Variants in CDH12 observed in about 807,000 individuals in gnomAD.
CDH12 encodes the protein cadherin 12, also known as cadherin-12.
A neutral mutation model predicts 74.1 loss-of-function variants in CDH12; 41 were observed. The observed-to-expected ratio is 0.55, with a 90% CI of 0.43 to 0.72. CDH12 has a LOEUF of 0.72. CDH12 is among the 30% of genes least tolerant of loss of function. The pLI is 0.00. For missense variants in CDH12, 945 were observed against 977.2 expected, an observed-to-expected ratio of 0.97 and a Z score of 0.44; for synonymous variants, 399 against 355.0, an observed-to-expected ratio of 1.12 and a Z score of -1.39.
intron 2 of CDH12, among the ~76,000 whole-genome samples, chr5:22,492,875 C>T (rs994955509): frequency 6.6e-6 from 1 of 151,934 alleles, no homozygotes; most frequent in Non-Finnish European, 1.5e-5. Flanking sequence ...TTTCCTTGCT[C>T]AGTCCACTCT....
intron 6 of CDH12, among the ~76,000 whole-genome samples, chr5:21,908,903 T>C (rs1235390228): frequency 1.3e-5 from 2 of 152,150 alleles, no homozygotes; most frequent in Admixed American, 6.5e-5. Context: ...GATAGCAGGG[T>C]ACGCATGAGA....
At chr5:22,121,786 T>G (rs552171828) in intron 4 of CDH12, among the ~76,000 whole-genome samples, 2 of 152,288 alleles carry the variant, frequency 1.3e-5, no homozygotes, top group Admixed American at 1.3e-4. Flanking sequence ...AACACACTGA[T>G]GTACCTATCA....
At chr5:22,068,590 G>A (rs1322256221) in intron 5 of CDH12, among the ~76,000 whole-genome samples, 2 of 152,170 alleles carry the variant, frequency 1.3e-5, no homozygotes, top group Admixed American at 6.6e-5. Flanking sequence ...GGACTTGGAA[G>A]GGACATGATT....
At chr5:22,740,321 G>A (rs1163120104) in intron 1 of CDH12, among the ~76,000 whole-genome samples, 1 of 151,720 alleles carries the variant, frequency 6.6e-6, no homozygotes, top group Non-Finnish European at 1.5e-5. Context: ...AATTTGTTCA[G>A]CATTAACCAC....
At chr5:22,317,833 G>C (rs1462952493) in intron 3 of CDH12, among the ~76,000 whole-genome samples, 4 of 152,132 alleles carry the variant, frequency 2.6e-5, no homozygotes, top group Non-Finnish European at 1.5e-5. Flanking sequence ...TAAGCAAAGA[G>C]AGTACTTAAG....
At chr5:21,774,897 T>C (rs1485872052) in intron 11 of CDH12, among the ~76,000 whole-genome samples, 1 of 152,198 alleles carries the variant, frequency 6.6e-6, no homozygotes, top group African/African-American at 2.4e-5. Flanking sequence ...TCCACTCTTT[T>C]GTTTACTAAA....
At chr5:22,431,988 T>C (rs1000648341) in intron 2 of CDH12, among the ~76,000 whole-genome samples, 4 of 152,122 alleles carry the variant, frequency 2.6e-5, no homozygotes, top group Non-Finnish European at 5.9e-5. Flanking sequence ...TACAGTAGTA[T>C]ACAGTAATGC....
At chr5:22,403,566 C>A (rs1280919926) in intron 3 of CDH12, among the ~76,000 whole-genome samples, 1 of 152,124 alleles carries the variant, frequency 6.6e-6, no homozygotes, top group East Asian at 1.9e-4. Flanking sequence ...ATGAATATGA[C>A]CAGTATACAA....
intron 3 of CDH12, among the ~76,000 whole-genome samples, chr5:22,323,260 T>C (rs2920759): frequency 0.49 from 75,098 of 151,948 alleles, 18,871 homozygotes; most frequent in South Asian, 0.74. Context: ...TTTGACTGGA[T>C]TGACTTCCTG....
intron 3 of CDH12, among the ~76,000 whole-genome samples, chr5:22,308,202 G>C (rs1310088985): frequency 6.6e-6 from 1 of 151,888 alleles, no homozygotes; most frequent in Non-Finnish European, 1.5e-5. Context: ...TAAGTCATAT[G>C]AGATTCTAGA....
intron 1 of CDH12, among the ~76,000 whole-genome samples, chr5:22,667,072 G>A (rs929538287): frequency 6.6e-6 from 1 of 152,198 alleles, no homozygotes; most frequent in South Asian, 2.1e-4. Flanking sequence ...CTTCTACACA[G>A]AATGTGTAAG....
intron 6 of CDH12, among the ~76,000 whole-genome samples, chr5:21,938,697 T>TTATAATATTTTATATATATAATATACA (rs1361818196): frequency 6.5e-5 from 9 of 138,954 alleles, no homozygotes; most frequent in African/African-American, 2.4e-4. Context: ...TATAATATAT[T>TTATAATATTTTATATATATAATATACA]TATAATATTT....
At chr5:22,643,610 TC>T (rs1373995341) in intron 1 of CDH12, among the ~76,000 whole-genome samples, 1 of 151,920 alleles carries the variant, frequency 6.6e-6, no homozygotes, top group East Asian at 1.9e-4. Context: ...AAAGCTAAAC[TC>T]TTGCCAAAAG....
At chr5:22,219,610 A>G (rs762405345) in intron 3 of CDH12, among the ~76,000 whole-genome samples, 12 of 151,762 alleles carry the variant, frequency 7.9e-5, no homozygotes, top group Non-Finnish European at 1.6e-4. Context: ...GTTGGTGAGC[A>G]GTCTGAAATA....
At chr5:21,771,064 CA>C (rs1745298119) in intron 11 of CDH12, among the ~76,000 whole-genome samples, 1 of 152,038 alleles carries the variant, frequency 6.6e-6, no homozygotes, top group Non-Finnish European at 1.5e-5. Context: ...TACTTGAGGA[CA>C]GAGAGTGGGA....
At chr5:22,201,012 A>C (rs1269941853) in intron 4 of CDH12, among the ~76,000 whole-genome samples, 2 of 152,210 alleles carry the variant, frequency 1.3e-5, no homozygotes, top group Non-Finnish European at 2.9e-5. Context: ...AAACACTTGT[A>C]TGAAATGTAT....
chr5:22,475,444 AT>A (rs1355235175), intron 2 of CDH12, among the ~76,000 whole-genome samples: 1 of 151,976 alleles, frequency 6.6e-6, no homozygotes, highest in African/African-American at 2.4e-5. Flanking sequence ...ATGTGAAAGT[AT>A]TTAACAATAT....
intron 6 of CDH12, among the ~76,000 whole-genome samples, chr5:21,934,575 C>T (rs991935944): frequency 2.0e-5 from 3 of 152,052 alleles, no homozygotes; most frequent in Non-Finnish European, 4.4e-5. Flanking sequence ...AAGTCATATG[C>T]ACTTCCATAC....
At chr5:21,891,572 T>TACAC (rs66657734) in intron 6 of CDH12, among the ~76,000 whole-genome samples, 3,127 of 145,022 alleles carry the variant, frequency 0.022, 99 homozygotes, top group African/African-American at 0.063. Flanking sequence ...CACACACACA[T>TACAC]ACACACACAC....
Sources: gnomAD v4.1 joint callset for allele counts (sites outside exome capture counted in the v4.1 genomes callset) on GRCh38, gnomAD v4.1.1 for gene constraint, MANE v1.5 for transcripts, NCBI Gene and HGNC (gene_info 2026-07-23, HGNC 2026-07-21) for gene names.